The following TGFBR3 variants were observed in gnomAD, a reference collection of about 807,000 sequenced individuals.
TGFBR3 encodes transforming growth factor beta receptor 3, also known as transforming growth factor beta receptor type 3.
TGFBR3 carries 46 observed loss-of-function variants against 87.9 expected under a neutral mutation model. That is an observed-to-expected ratio of 0.52 (90% CI 0.41 to 0.67). The LOEUF (loss-of-function observed/expected upper bound fraction) is 0.67, where lower values mean the gene tolerates loss of function less well. TGFBR3 is among the 30% of genes least tolerant of loss of function. The probability of loss-of-function intolerance (pLI) is 0.00; values close to 1 mark genes in which losing one functional copy is unlikely to be tolerated. For synonymous variants in TGFBR3, 381 were observed against 391.6 expected (o/e 0.97, Z 0.32); for missense variants, 866 against 1,041.9 (o/e 0.83, Z 2.32).
chr1:91,760,070 T>C (rs939264926), intron 3 of TGFBR3, among the ~76,000 whole-genome samples: 4 of 152,234 alleles, frequency 2.6e-5, no homozygotes, highest in Non-Finnish European at 5.9e-5. Flanking sequence ...CTTTAGCACA[T>C]GGTAAGCACT....
intron 14 of TGFBR3, among the ~76,000 whole-genome samples, chr1:91,706,522 G>T (rs1385339665): frequency 1.3e-5 from 2 of 152,160 alleles, no homozygotes; most frequent in Non-Finnish European, 2.9e-5. Flanking sequence ...GTCTAAAAAG[G>T]GGAGGAACCC....
intron 2 of TGFBR3, among the ~76,000 whole-genome samples, chr1:91,831,819 C>A (rs912364560): frequency 2.6e-5 from 4 of 152,102 alleles, no homozygotes; most frequent in African/African-American, 9.7e-5. Context: ...TTGAAAACGA[C>A]GTAAGTCCTG....
At chr1:91,849,256 G>A (rs182315450) in intron 2 of TGFBR3, among the ~76,000 whole-genome samples, 1 of 152,186 alleles carries the variant, frequency 6.6e-6, no homozygotes, top group East Asian at 1.9e-4. Context: ...CTCTCCAATG[G>A]CTCAGTGTCA....
chr1:91,885,934 G>A lies in TGFBR3; in HGVS notation c.-170C>T, dbSNP rs1325091352. The stretch of plus-strand genomic sequence containing the variant: ...CCGCAGCAAGTTGGAGGAAAGCGGC[G>A]GCAAGTTTCCCCGCCCAGCGCTCGG... On this transcript the variant is annotated 5_prime_UTR_variant, in exon 1 of 17. Coordinates refer to ENST00000212355, the MANE Select transcript of TGFBR3 (RefSeq NM_003243.5). 3 of 447,100 alleles carry A rather than the reference G, an allele frequency of 6.7e-6. No homozygotes were observed. The highest frequency in any genetic ancestry group is 6.0e-5 in the African/African-American group (3 of 49,702). The allele number at this position is 447,100 out of a possible 1,614,324, so 27.7% of individuals were successfully genotyped here. A position where few individuals can be genotyped will look rare whatever the true frequency, so the allele number is the denominator to read the frequency against.
At chr1:91,825,050 C>T (rs1243198780) in intron 2 of TGFBR3, among the ~76,000 whole-genome samples, 6 of 152,168 alleles carry the variant, frequency 3.9e-5, no homozygotes, top group Non-Finnish European at 2.9e-5. Context: ...TATGACCCAG[C>T]GATTCTACTC....
intron 8 of TGFBR3, 29 bp from the exon 9 acceptor site, chr1:91,720,259 C>T (rs1306089224): frequency 5.2e-6 from 8 of 1,551,736 alleles, no homozygotes; most frequent in Non-Finnish European, 7.0e-6. Flanking sequence ...AAAACATCAG[C>T]AGTGTTTGAT....
chr1:91,851,517 A>G (rs1484882538), intron 2 of TGFBR3, among the ~76,000 whole-genome samples: 1 of 152,082 alleles, frequency 6.6e-6, no homozygotes, highest in Non-Finnish European at 1.5e-5. Context: ...CTCCTACATC[A>G]CTTCCAAAAT....
chr1:91,807,236 T>G (rs1166192664), intron 2 of TGFBR3, among the ~76,000 whole-genome samples: 9 of 152,198 alleles, frequency 5.9e-5, no homozygotes, highest in Admixed American at 5.9e-4. Flanking sequence ...AAACCTGGCT[T>G]CAGGCTGAAG....
Position 91,760,977 on chromosome 1 carries a change from A to G in TGFBR3, c.247-2227T>C, listed in dbSNP as rs79040524. The stretch of plus-strand genomic sequence containing the variant: ...TGCAAAGCAACACTCTTTCACTAAT[A>G]GCATGTATCAGTAAAAGGTTTCTCT... On this transcript the variant is annotated intron_variant, in intron 3 of 16. Coordinates refer to ENST00000212355, the MANE Select transcript of TGFBR3 (RefSeq NM_003243.5). 7.8e-3 allele frequency among the ~76,000 whole-genome samples: 1,189 copies of G among 152,368 alleles called. 18 individuals are homozygous for G. The highest frequency in any genetic ancestry group is 0.027 in the African/African-American group (1,131 of 41,592).
rs1670868054 is a variant in TGFBR3 at position 91,680,402 on chromosome 1, T to C, written c.*3337A>G. On this transcript the variant is annotated 3_prime_UTR_variant, in exon 17 of 17. Coordinates refer to ENST00000212355, the MANE Select transcript of TGFBR3 (RefSeq NM_003243.5). ...GATAAAAGATTTAAAACTGTGGTTA[T>C]CAAAACTATACATCTAAGCATCTTC... 1 of 452,924 alleles carries C rather than the reference T, an allele frequency of 2.2e-6. No homozygotes were observed. The highest frequency in any genetic ancestry group is 6.9e-5 in the East Asian group (1 of 14,394). The allele number at this position is 452,924 out of a possible 1,614,324, so 28.1% of individuals were successfully genotyped here. A position where few individuals can be genotyped will look rare whatever the true frequency, so the allele number is the denominator to read the frequency against.
chr1:91,785,423 T>A (rs1256365838), intron 3 of TGFBR3, among the ~76,000 whole-genome samples: 2 of 152,224 alleles, frequency 1.3e-5, no homozygotes, highest in Non-Finnish European at 2.9e-5. Flanking sequence ...GGGCCACTGG[T>A]TGCACATTTC....
At chr1:91,722,479 C>T (rs1307539054) in intron 7 of TGFBR3, among the ~76,000 whole-genome samples, 3 of 122,738 alleles carry the variant, frequency 2.4e-5, no homozygotes, top group African/African-American at 9.5e-5. Flanking sequence ...ACACACAGTA[C>T]ATATGTATAA....
chr1:91,827,569 C>T (rs1221038802), intron 2 of TGFBR3, among the ~76,000 whole-genome samples: 1 of 152,160 alleles, frequency 6.6e-6, no homozygotes, highest in Non-Finnish European at 1.5e-5. Flanking sequence ...AGAGACAGGC[C>T]CCCATTATCC....
At chr1:91,796,962 T>C (rs1675410409) in intron 3 of TGFBR3, among the ~76,000 whole-genome samples, 1 of 152,008 alleles carries the variant, frequency 6.6e-6, no homozygotes, top group South Asian at 2.1e-4. Flanking sequence ...ACTCCTGAGC[T>C]CATGCGATCC....
intron 7 of TGFBR3, 35 bp downstream of exon 7, chr1:91,727,624 C>T: frequency 6.2e-7 from 1 of 1,613,346 alleles, no homozygotes; most frequent in Non-Finnish European, 8.5e-7. Context: ...TGTCATTTAT[C>T]TAAACAAAAC....
intron 1 of TGFBR3, among the ~76,000 whole-genome samples, chr1:91,878,990 C>A (rs188012201): frequency 6.6e-6 from 1 of 152,100 alleles, no homozygotes; most frequent in South Asian, 2.1e-4. Flanking sequence ...AGTGGGCTTG[C>A]GGGCATGGTG....
intron 2 of TGFBR3, among the ~76,000 whole-genome samples, chr1:91,805,905 G>A (rs2101027483): frequency 6.6e-6 from 1 of 152,246 alleles, no homozygotes; most frequent in African/African-American, 2.4e-5. Flanking sequence ...TTTGAACCTG[G>A]GTCTCTGAGA....
chr1:91,733,862 T>C (rs1333929319), intron 5 of TGFBR3, among the ~76,000 whole-genome samples: 1 of 151,932 alleles, frequency 6.6e-6, no homozygotes, highest in African/African-American at 2.4e-5. Flanking sequence ...CAGCAAGACC[T>C]GTGTCTACAA....
chr1:91,681,474 T>C lies in TGFBR3; in HGVS notation c.*2265A>G, dbSNP rs1258369145. The C allele has an allele frequency of 8.5e-6, 3 of 352,094 alleles. No homozygotes were observed. The highest frequency in any genetic ancestry group is 2.2e-5 in the African/African-American group (1 of 45,656). The allele number at this position is 352,094 out of a possible 1,614,324, so 21.8% of individuals were successfully genotyped here. A position where few individuals can be genotyped will look rare whatever the true frequency, so the allele number is the denominator to read the frequency against. Reference sequence around the variant, plus strand: ...TAATTTTAAATTATTTATAAAATCATTGGCAATGTAGCATCTCTCTTAAAA... The same window carrying C: ...TAATTTTAAATTATTTATAAAATCACTGGCAATGTAGCATCTCTCTTAAAA... On this transcript the variant is annotated 3_prime_UTR_variant, in exon 17 of 17. Transcript: ENST00000212355.
Sources: gnomAD v4.1 joint callset for allele counts (sites outside exome capture counted in the v4.1 genomes callset) on GRCh38, gnomAD v4.1.1 for gene constraint, MANE v1.5 for transcripts, NCBI Gene and HGNC (gene_info 2026-07-23, HGNC 2026-07-21) for gene names.